Variants in TMCO5A observed in about 807,000 individuals in gnomAD.
TMCO5A encodes the protein transmembrane and coiled-coil domain-containing protein 5A.
Under a neutral mutation model 42.3 loss-of-function variants are expected in TMCO5A, and 34 were observed. The ratio of observed to expected loss-of-function variants is 0.80; its 90% CI spans 0.61 to 1.07. The LOEUF (loss-of-function observed/expected upper bound fraction) is 1.07. Among genes scored for constraint, TMCO5A ranks in the 50% least tolerant of loss-of-function variants. The pLI is 0.00. For missense variants in TMCO5A, 357 were observed against 327.9 expected (o/e 1.09, Z -0.69); for synonymous variants, 131 against 115.6 (o/e 1.13, Z -0.86).
At chr15:38,018,053 C>T in the TMCO5A span, among the ~76,000 whole-genome samples, 2 of 152,154 alleles carry the variant, frequency 1.3e-5, no homozygotes, top group East Asian at 3.9e-4. Flanking sequence ...AACTATAAGT[C>T]AAACCTCTTT....
At chr15:37,995,909 C>CA in the TMCO5A span, among the ~76,000 whole-genome samples, 199 of 151,886 alleles carry the variant, frequency 1.3e-3, 1 homozygote, top group African/African-American at 4.4e-3. Context: ...GTGCTAGCCT[C>CA]AAAAAAATCG....
At chr15:37,984,522 G>A in the TMCO5A span, among the ~76,000 whole-genome samples, 5 of 152,230 alleles carry the variant, frequency 3.3e-5, no homozygotes, top group African/African-American at 7.2e-5. Flanking sequence ...ATATTTGCTT[G>A]TGCAAGTTGC....
chr15:38,014,045 G>T, the TMCO5A span, among the ~76,000 whole-genome samples: 1 of 152,156 alleles, frequency 6.6e-6, no homozygotes, highest in South Asian at 2.1e-4. Context: ...ATCTGACTTT[G>T]TTCATTTTGC....
downstream of TMCO5A, among the ~76,000 whole-genome samples, chr15:37,954,427 C>A (rs1209522687): frequency 1.3e-5 from 2 of 152,012 alleles, no homozygotes; most frequent in African/African-American, 4.8e-5. Flanking sequence ...ATGAAATAAA[C>A]ATTTATCCTG....
the TMCO5A span, among the ~76,000 whole-genome samples, chr15:37,993,203 T>C: frequency 6.6e-6 from 1 of 152,112 alleles, no homozygotes; most frequent in African/African-American, 2.4e-5. Context: ...GTCTAGCAAG[T>C]TCACCATCTG....
chr15:38,026,054 C>G, the TMCO5A span, among the ~76,000 whole-genome samples: 1 of 152,078 alleles, frequency 6.6e-6, no homozygotes, highest in African/African-American at 2.4e-5. Flanking sequence ...TTATCAGCAG[C>G]ATGAAAATGG....
chr15:37,959,099 C>A (rs747321085), intron 11 of TMCO5A, among the ~76,000 whole-genome samples: 13 of 151,628 alleles, frequency 8.6e-5, no homozygotes, highest in South Asian at 2.1e-4. Context: ...GGGAACATCA[C>A]ACACTGGGGC....
Position 37,951,142 on chromosome 15 carries a change from C to T in TMCO5A, c.775C>T (p.Pro259Ser), listed in dbSNP as rs1890142413. The change falls in exon 12 of 12, where the codon CCC (proline) becomes TCC (serine). Residue 259 changes from proline (P) to serine (S), a missense_variant. Coordinates refer to ENST00000319669, the MANE Select transcript of TMCO5A (RefSeq NM_152453.4). Reference protein sequence around the residue: ...INPDLLVNVLPKVLGRSTLWK... With the variant: ...INPDLLVNVLSKVLGRSTLWK... The stretch of plus-strand genomic sequence containing the variant: ...TCCAGATCTCCTCGTCAATGTACTG[C>T]CCAAGGTACTGGGCAGGAGCACCTT... 7 of 1,613,792 alleles carry T rather than the reference C, an allele frequency of 4.3e-6. 1 individual carries two copies. The South Asian group carries it at 6.6e-5, about 15-fold the overall frequency.
At chr15:37,945,650 T>C (rs541277062) in intron 10 of TMCO5A, among the ~76,000 whole-genome samples, 1 of 152,312 alleles carries the variant, frequency 6.6e-6, no homozygotes, top group Non-Finnish European at 1.5e-5. Context: ...TTTTGTGTGT[T>C]TGTTGGCTGT....
chr15:38,014,075 C>G, the TMCO5A span, among the ~76,000 whole-genome samples: 1 of 152,166 alleles, frequency 6.6e-6, no homozygotes, highest in Non-Finnish European at 1.5e-5. Flanking sequence ...AGGACTGTTG[C>G]AATTACATTG....
the TMCO5A span, among the ~76,000 whole-genome samples, chr15:38,007,932 G>A: frequency 3.6e-3 from 388 of 107,750 alleles, 1 homozygote; most frequent in African/African-American, 0.013. Flanking sequence ...GTCTCTCTCT[G>A]TTGCCCAGGC....
chr15:38,039,575 C>T, the TMCO5A span, among the ~76,000 whole-genome samples: 1 of 152,166 alleles, frequency 6.6e-6, no homozygotes, highest in African/African-American at 2.4e-5. Flanking sequence ...CTTCTGCCAT[C>T]CCTATTTTCT....
At chr15:38,010,425 T>TCTCACACACA in the TMCO5A span, among the ~76,000 whole-genome samples, 3,165 of 117,432 alleles carry the variant, frequency 0.027, 70 homozygotes, top group Middle Eastern at 0.043. Flanking sequence ...CAGAGGGAGA[T>TCTCACACACA]CACACACACA....
chr15:38,020,948 T>C, the TMCO5A span, among the ~76,000 whole-genome samples: 1 of 152,182 alleles, frequency 6.6e-6, no homozygotes, highest in Non-Finnish European at 1.5e-5. Flanking sequence ...AATCTGTTAA[T>C]GTATTCATGT....
At chr15:37,936,597 A>G in intron 3 of TMCO5A, 134 bp downstream of exon 3, 1 of 1,217,194 alleles carries the variant, frequency 8.2e-7, no homozygotes, top group Non-Finnish European at 1.1e-6. Context: ...TCATTCTTTG[A>G]CATTTCTCTT....
the TMCO5A span, among the ~76,000 whole-genome samples, chr15:38,013,360 C>T: frequency 6.8e-6 from 1 of 146,812 alleles, no homozygotes; most frequent in Non-Finnish European, 1.5e-5. Flanking sequence ...CCCTCCCCCC[C>T]TCTAGTGTTC....
chr15:37,934,903 G>A (rs1889460934), intron 1 of TMCO5A, among the ~76,000 whole-genome samples: 1 of 152,124 alleles, frequency 6.6e-6, no homozygotes, highest in Non-Finnish European at 1.5e-5. Context: ...TTTATGGAAA[G>A]CAACTGGCCT....
chr15:37,958,684 T>C (rs995228925), intron 11 of TMCO5A, among the ~76,000 whole-genome samples: 1 of 152,096 alleles, frequency 6.6e-6, no homozygotes, highest in Non-Finnish European at 1.5e-5. Context: ...GTGTAAATTA[T>C]TTCAACCATT....
the TMCO5A span, among the ~76,000 whole-genome samples, chr15:38,022,212 C>T: frequency 6.6e-6 from 1 of 152,158 alleles, no homozygotes. Flanking sequence ...CAAAAACCTG[C>T]ACACGAATTT....
Sources: gnomAD v4.1 joint callset for allele counts (sites outside exome capture counted in the v4.1 genomes callset) on GRCh38, gnomAD v4.1.1 for gene constraint, MANE v1.5 for transcripts, NCBI Gene and HGNC (gene_info 2026-07-23, HGNC 2026-07-21) for gene names.